The following MBD5 variants were observed in gnomAD, a reference collection of about 807,000 sequenced individuals.
MBD5 encodes the protein methyl-CpG binding domain protein 5.
Under a neutral mutation model 117.3 loss-of-function variants are expected in MBD5, and 13 were observed. The ratio of observed to expected loss-of-function variants is 0.11; its 90% CI spans 0.07 to 0.18. The LOEUF (loss-of-function observed/expected upper bound fraction) is 0.18. Ranked by LOEUF, MBD5 falls within the 10% of genes least tolerant of loss-of-function variation. MBD5 has a pLI of 1.00. For missense variants in MBD5, 1,879 were observed against 2,093.8 expected (o/e 0.90, Z 2.00); for synonymous variants, 727 against 766.4 (o/e 0.95, Z 0.85).
Position 148,296,863 on chromosome 2 carries a change from A to ATTTTTTTTTTTTTTTTTT in MBD5, c.-679-45351_-679-45350insTTTTTTTTTTTTTTTTTT, listed in dbSNP as rs1559010681. On this transcript the variant is annotated intron_variant, in intron 3 of 13. Transcript: ENST00000642680. Reference sequence around the variant, plus strand: ...TAAGCATAGTTTGCTTTAGTTCTTCAATTTTTTTTTTTTTTTTTTTTGGAG... The same window carrying ATTTTTTTTTTTTTTTTTT: ...TAAGCATAGTTTGCTTTAGTTCTTCATTTTTTTTTTTTTTTTTTATTTTTTTTTTTTTTTTTTTTGGAG... 1.2e-3 allele frequency among the ~76,000 whole-genome samples: 46 copies of ATTTTTTTTTTTTTTTTTT among 37,714 alleles called. 7 individuals carry two copies. Among genetic ancestry groups the ATTTTTTTTTTTTTTTTTT allele is most frequent in the Middle Eastern group, 0.031 (1 of 32 alleles). 24.7% of individuals were successfully genotyped at this position (37,714 alleles called of 152,430 possible). A position where few individuals can be genotyped will look rare whatever the true frequency, so the allele number is the denominator to read the frequency against.
chr2:148,440,334 C>T (rs1383628561), intron 4 of MBD5, among the ~76,000 whole-genome samples: 1 of 152,162 alleles, frequency 6.6e-6, no homozygotes, highest in African/African-American at 2.4e-5. Flanking sequence ...TCTCTGTGTT[C>T]CTGTAATACA....
chr2:148,336,237 G>T (rs943886130), intron 3 of MBD5, among the ~76,000 whole-genome samples: 25 of 152,110 alleles, frequency 1.6e-4, no homozygotes, highest in African/African-American at 5.8e-4. Flanking sequence ...TCAAAAAATT[G>T]ATTGATCTCA....
chr2:148,034,177 A>G (rs1170008555), intron 1 of MBD5, among the ~76,000 whole-genome samples: 3 of 152,182 alleles, frequency 2.0e-5, no homozygotes, highest in Non-Finnish European at 4.4e-5. Context: ...CCTGGGTGAC[A>G]CAGTAAGACC....
chr2:148,486,493 A>G (rs57165062), intron 10 of MBD5, among the ~76,000 whole-genome samples: 20,058 of 152,202 alleles, frequency 0.13, 1,985 homozygotes, highest in African/African-American at 0.27. Flanking sequence ...AAAGTAACAA[A>G]TTTGAATAGA....
chr2:148,125,767 C>A (rs947105198), intron 1 of MBD5, among the ~76,000 whole-genome samples: 5 of 152,204 alleles, frequency 3.3e-5, no homozygotes, highest in African/African-American at 1.2e-4. Context: ...TCCTTGATGT[C>A]TGGGACTGTG....
intron 3 of MBD5, among the ~76,000 whole-genome samples, chr2:148,256,315 T>C (rs1048844047): frequency 5.9e-5 from 9 of 152,252 alleles, no homozygotes; most frequent in Non-Finnish European, 5.9e-5. Flanking sequence ...ACATCTCATG[T>C]AGGTGCCGAC....
chr2:148,040,888 G>A (rs929775651), intron 1 of MBD5, among the ~76,000 whole-genome samples: 2 of 152,028 alleles, frequency 1.3e-5, no homozygotes, highest in African/African-American at 2.4e-5. Flanking sequence ...AGCCCCTCAC[G>A]TGATGGCTTT....
Position 148,458,497 on chromosome 2 carries a change from C to A in MBD5, c.-262C>A. 2 of 586,406 alleles carry A rather than the reference C, an allele frequency of 3.4e-6. No homozygotes were observed. Among genetic ancestry groups the A allele is most frequent in the African/African-American group, 1.9e-5 (1 of 53,792 alleles). 36.3% of individuals were successfully genotyped at this position (586,406 alleles called of 1,614,324 possible). ...AATTATGATTTTCCTTAGTCAGAAG[C>A]ACTCATTTTTACCCATGTAGACCAT... On this transcript the variant is annotated 5_prime_UTR_variant, in exon 5 of 14. Coordinates refer to ENST00000642680, the MANE Select transcript of MBD5 (RefSeq NM_001378120.1).
intron 3 of MBD5, among the ~76,000 whole-genome samples, chr2:148,247,145 A>T (rs4972340): frequency 0.95 from 144,110 of 152,250 alleles, 68,687 homozygotes; most frequent in East Asian, 1. Flanking sequence ...CTTCCACCTA[A>T]TTCTTTTCCT....
At chr2:148,491,989 C>G (rs897948372) in intron 11 of MBD5, among the ~76,000 whole-genome samples, 1 of 151,836 alleles carries the variant, frequency 6.6e-6, no homozygotes, top group East Asian at 1.9e-4. Flanking sequence ...TTATGGCCTC[C>G]CTTCCCTGGA....
chr2:148,324,431 A>G (rs1702386004), intron 3 of MBD5, among the ~76,000 whole-genome samples: 1 of 152,170 alleles, frequency 6.6e-6, no homozygotes, highest in Non-Finnish European at 1.5e-5. Context: ...CTTGGGCAGT[A>G]TGGCCATTTT....
chr2:148,275,377 A>G (rs1701083760), intron 3 of MBD5, among the ~76,000 whole-genome samples: 1 of 152,176 alleles, frequency 6.6e-6, no homozygotes, highest in Admixed American at 6.5e-5. Context: ...CTCCAGAGAA[A>G]CAAAATTAGT....
At chr2:148,147,782 G>C (rs1445397207) in intron 1 of MBD5, among the ~76,000 whole-genome samples, 1 of 151,868 alleles carries the variant, frequency 6.6e-6, no homozygotes, top group Non-Finnish European at 1.5e-5. Context: ...TGAAGGGCCT[G>C]TGTGTGTGTG....
chr2:148,222,133 T>G (rs1253909441), intron 2 of MBD5, among the ~76,000 whole-genome samples: 1 of 152,076 alleles, frequency 6.6e-6, no homozygotes, highest in African/African-American at 2.4e-5. Flanking sequence ...TGTTTTTATG[T>G]CAGTGCCATG....
chr2:148,333,209 G>T (rs1034050196), intron 3 of MBD5, among the ~76,000 whole-genome samples: 3 of 151,850 alleles, frequency 2.0e-5, no homozygotes, highest in Non-Finnish European at 4.4e-5. Flanking sequence ...TCCTGTTAAG[G>T]GCTTTCCTCA....
intron 12 of MBD5, 131 bp from the exon 13 acceptor site, chr2:148,509,929 G>C (rs1353738305): frequency 4.2e-6 from 3 of 712,532 alleles, no homozygotes; most frequent in African/African-American, 1.8e-5. Context: ...TTTGTCATCT[G>C]AATTTTCCAA....
intron 1 of MBD5, among the ~76,000 whole-genome samples, chr2:148,070,165 C>CT (rs1287766107): frequency 2.0e-5 from 3 of 152,156 alleles, no homozygotes; most frequent in Non-Finnish European, 2.9e-5. Context: ...ATGAGGTCAA[C>CT]TTTTTTAGCT....
At chr2:148,095,336 A>G (rs1266736986) in intron 1 of MBD5, among the ~76,000 whole-genome samples, 2 of 152,160 alleles carry the variant, frequency 1.3e-5, no homozygotes, top group Non-Finnish European at 2.9e-5. Flanking sequence ...CTTCTTTGTG[A>G]TATTTCTACA....
intron 3 of MBD5, among the ~76,000 whole-genome samples, chr2:148,279,013 C>T (rs1487206754): frequency 6.6e-6 from 1 of 152,190 alleles, no homozygotes; most frequent in African/African-American, 2.4e-5. Context: ...TATGGTCCCC[C>T]AAGCGATTGG....
Sources: gnomAD v4.1 joint callset for allele counts (sites outside exome capture counted in the v4.1 genomes callset) on GRCh38, gnomAD v4.1.1 for gene constraint, MANE v1.5 for transcripts, NCBI Gene and HGNC (gene_info 2026-07-23, HGNC 2026-07-21) for gene names.